The following ITGAE variants were observed in gnomAD, a reference collection of about 807,000 sequenced individuals.
The protein encoded by ITGAE is integrin subunit alpha E, also known as integrin alpha-E.
Under a neutral mutation model 136.5 loss-of-function variants are expected in ITGAE, and 99 were observed. That is an observed-to-expected ratio of 0.73 (90% CI 0.62 to 0.86). The LOEUF is 0.86. Ranked by LOEUF, ITGAE falls within the 40% of genes least tolerant of loss-of-function variation. ITGAE has a pLI of 0.00. For synonymous variants in ITGAE, 613 were observed against 591.8 expected (o/e 1.04, Z -0.52); for missense variants, 1,447 against 1,515.3 (o/e 0.95, Z 0.75).
chr17:3,732,306 A>G, intron 22 of ITGAE, 62 bp downstream of exon 22: 2 of 1,227,318 alleles, frequency 1.6e-6, no homozygotes, highest in Non-Finnish European at 2.4e-6. Flanking sequence ...AGATGAGACC[A>G]AGATGCAGAA....
intron 23 of ITGAE, 184 bp from the exon 24 acceptor site, chr17:3,729,739 C>T (rs1322699421): frequency 6.2e-5 from 34 of 544,932 alleles, no homozygotes; most frequent in South Asian, 5.7e-4. Context: ...GAATTACAGG[C>T]GTGAGCCACC....
At chr17:3,797,266 C>T (rs544103008) in intron 1 of ITGAE, among the ~76,000 whole-genome samples, 25 of 144,544 alleles carry the variant, frequency 1.7e-4, no homozygotes, top group East Asian at 8.3e-4. Flanking sequence ...CCCGGGTTCA[C>T]GCCATTCTCC....
chr17:3,797,168 T>A (rs1473885427), intron 1 of ITGAE, among the ~76,000 whole-genome samples: 8,199 of 122,412 alleles, frequency 0.067, 444 homozygotes, highest in South Asian at 0.083. Flanking sequence ...TTTTTTTTTT[T>A]TTTTTTTTTT....
chr17:3,743,711 T>TTC, intron 18 of ITGAE, 94 bp from the exon 19 acceptor site: 8 of 1,368,854 alleles, frequency 5.8e-6, no homozygotes, highest in Non-Finnish European at 6.9e-6. Context: ...TTTTCTTTTT[T>TTC]TTTTTTTTTG....
intron 1 of ITGAE, among the ~76,000 whole-genome samples, chr17:3,790,987 T>C (rs2052923710): frequency 6.6e-6 from 1 of 151,776 alleles, no homozygotes; most frequent in African/African-American, 2.4e-5. Context: ...ACCCCTTCTC[T>C]ACTAAAACTA....
intron 21 of ITGAE, among the ~76,000 whole-genome samples, chr17:3,734,097 C>G (rs1396213413): frequency 1.3e-5 from 2 of 152,114 alleles, no homozygotes; most frequent in Non-Finnish European, 2.9e-5. Flanking sequence ...TTGAGACAGA[C>G]TCTTGCTCTG....
intron 20 of ITGAE, among the ~76,000 whole-genome samples, chr17:3,738,487 C>G (rs2051511653): frequency 6.6e-6 from 1 of 152,086 alleles, no homozygotes. Flanking sequence ...ATTCTAAGAC[C>G]ACTACATGTC....
chr17:3,734,951 T>C lies in ITGAE; in HGVS notation c.2523-2A>G. The stretch of plus-strand genomic sequence containing the variant: ...GTGAGACCCACCACCAACTCCTGCC[T>C]GCACAGGGTACAGATAAAAATGTTA... On this transcript the variant is annotated splice_acceptor_variant, in intron 20 of 30. Coordinates refer to ENST00000263087, the MANE Select transcript of ITGAE (RefSeq NM_002208.5). LOFTEE classifies it high-confidence loss of function. 1 of 1,614,166 alleles carries C rather than the reference T, an allele frequency of 6.2e-7. No individual in the cohort carries two copies. Among genetic ancestry groups the C allele is most frequent in the East Asian group, 2.2e-5 (1 of 44,882 alleles).
In ITGAE at chr17:3,794,158, T is replaced by C. The variant is rs372296962; in HGVS notation, c.34+6953A>G. ...CACACCGGACTAATTTTTGTATTTT[T>C]AGTAGAGACGGGGTTTTGCCATGTT... On this transcript the variant is annotated intron_variant, in intron 1 of 30. Transcript: ENST00000263087. Among the ~76,000 whole-genome samples the C allele has an allele frequency of 1.5e-3, 227 of 152,168 alleles. 1 individual carries two copies. Among genetic ancestry groups the C allele is most frequent in the African/African-American group, 5.3e-3 (222 of 41,524 alleles).
At chr17:3,777,869 C>T (rs1292644618) in intron 1 of ITGAE, among the ~76,000 whole-genome samples, 5 of 152,000 alleles carry the variant, frequency 3.3e-5, no homozygotes, top group African/African-American at 7.2e-5. Flanking sequence ...TACCAGTACC[C>T]GAGCCCCCCT....
At chr17:3,732,011 GGTTGCA>G (rs1344194712) in intron 22 of ITGAE, among the ~76,000 whole-genome samples, 2 of 152,138 alleles carry the variant, frequency 1.3e-5, no homozygotes, top group African/African-American at 4.8e-5. Flanking sequence ...GGGAGGCGGA[GGTTGCA>G]GTGAGCTGAG....
chr17:3,747,599 G>A (rs974965558), intron 17 of ITGAE, among the ~76,000 whole-genome samples: 3 of 152,150 alleles, frequency 2.0e-5, no homozygotes, highest in Non-Finnish European at 2.9e-5. Flanking sequence ...GTGAGCCACC[G>A]CGCCCGGCCT....
At chr17:3,726,077 C>T (rs770166746) in intron 26 of ITGAE, 41 of 1,614,118 alleles carry the variant, frequency 2.5e-5, no homozygotes, top group East Asian at 6.7e-5. Flanking sequence ...TTACCGGTGA[C>T]GGTGACTACC....
chr17:3,775,996 T>TA (rs1264896625), intron 2 of ITGAE, among the ~76,000 whole-genome samples: 2 of 151,788 alleles, frequency 1.3e-5, no homozygotes, highest in Non-Finnish European at 2.9e-5. Context: ...AGATGATATT[T>TA]AAAAAATGTA....
intron 1 of ITGAE, among the ~76,000 whole-genome samples, chr17:3,795,988 T>C (rs2143521985): frequency 2.0e-5 from 1 of 51,228 alleles, no homozygotes. Context: ...CGTGTGTGCA[T>C]CTGTGTGTGC....
chr17:3,794,683 G>A (rs1461373112), intron 1 of ITGAE, among the ~76,000 whole-genome samples: 1 of 152,196 alleles, frequency 6.6e-6, no homozygotes, highest in African/African-American at 2.4e-5. Context: ...CCAGTAGGGA[G>A]TCTGGGCTCC....
At chr17:3,716,571 A>T (rs1316845419) in intron 30 of ITGAE, 117 bp downstream of exon 30, 7 of 671,508 alleles carry the variant, frequency 1.0e-5, no homozygotes, top group Non-Finnish European at 1.9e-5. Flanking sequence ...GAGGAGAAAA[A>T]AGTGGCCACG....
In ITGAE at chr17:3,799,827, G is replaced by C. The variant is rs1358041526; in HGVS notation, c.34+1284C>G. 6.6e-6 allele frequency among the ~76,000 whole-genome samples: 1 copy of C among 152,154 alleles called. No individual in the cohort carries two copies. The highest frequency in any genetic ancestry group is 1.9e-4 in the East Asian group (1 of 5,192). ...CCATGGTGACTATTCTGATGTTTTT[G>C]AAATATAAAATATTAGGCCGGGCAA... On this transcript the variant is annotated intron_variant, in intron 1 of 30. Coordinates refer to ENST00000263087, the MANE Select transcript of ITGAE (RefSeq NM_002208.5). The surrounding 1 kb of genome is among the most constrained non-coding windows in gnomAD (Gnocchi z 4.1).
chr17:3,728,298 G>C, intron 24 of ITGAE, 130 bp from the exon 25 acceptor site: 2 of 730,638 alleles, frequency 2.7e-6, no homozygotes. Flanking sequence ...CAACCTCCCA[G>C]GCTCAAGTGA....
Sources: allele counts gnomAD v4.1 joint callset (sites outside exome capture counted in the v4.1 genomes callset), GRCh38; gene constraint gnomAD v4.1.1; non-coding constraint Gnocchi (gnomAD v3.1); transcripts MANE v1.5; gene names NCBI Gene and HGNC (gene_info 2026-07-23, HGNC 2026-07-21).